The following KIRREL3 variants were observed in gnomAD, a reference collection of about 807,000 sequenced individuals.
The protein encoded by KIRREL3 is kirre like nephrin family adhesion molecule 3, also known as kin of IRRE-like protein 3.
KIRREL3 carries 36 observed loss-of-function variants against 89.7 expected under a neutral mutation model. The ratio of observed to expected loss-of-function variants is 0.40; its 90% CI spans 0.31 to 0.53. The LOEUF is 0.53. KIRREL3 is among the 20% of genes least tolerant of loss of function. KIRREL3 has a pLI of 0.49. For missense variants in KIRREL3, 864 were observed against 1,056.6 expected (o/e 0.82, Z 2.53); for synonymous variants, 445 against 441.4 (o/e 1.01, Z -0.10).
intron 1 of KIRREL3, among the ~76,000 whole-genome samples, chr11:126,873,405 T>C (rs1216581149): frequency 6.6e-6 from 1 of 152,134 alleles, no homozygotes; most frequent in Non-Finnish European, 1.5e-5. Context: ...GGATAATAGA[T>C]CAAGCAAACA....
intron 1 of KIRREL3, among the ~76,000 whole-genome samples, chr11:126,588,889 G>A (rs1308006987): frequency 1.3e-5 from 2 of 152,148 alleles, no homozygotes; most frequent in East Asian, 1.9e-4. Flanking sequence ...AGAAGGTGGC[G>A]GTGGTGGGGG....
At chr11:126,657,338 A>G (rs1945195253) in intron 1 of KIRREL3, among the ~76,000 whole-genome samples, 1 of 152,210 alleles carries the variant, frequency 6.6e-6, no homozygotes, top group Admixed American at 6.5e-5. Flanking sequence ...GGTTTAAAAT[A>G]TTAGAGAAAT....
rs634964 is a variant in KIRREL3, at chr11:126,569,124, T to C, written c.56-6212A>G. Among the ~76,000 whole-genome samples the C allele has an allele frequency of 0.62, 94,702 of 151,790 alleles. 31,566 individuals carry two copies. Among genetic ancestry groups the C allele is most frequent in the African/African-American group, 0.86 (35,789 of 41,424 alleles). On this transcript the variant is annotated intron_variant, in intron 1 of 16. Coordinates refer to ENST00000525144, the MANE Select transcript of KIRREL3 (RefSeq NM_032531.4). The surrounding 1 kb of genome is among the most constrained non-coding windows in gnomAD (Gnocchi z 6.5). The stretch of plus-strand genomic sequence containing the variant: ...GTCAAGCAGAGGAAGAGGGCAAGGA[T>C]GACCCCAGTGTCTTTTGTGGGATAT...
Position 126,516,352 on chromosome 11 carries a change from A to G in KIRREL3, c.433+4963T>C, listed in dbSNP as rs1050862810. 6.6e-6 allele frequency among the ~76,000 whole-genome samples: 1 copy of G among 152,082 alleles called. No individual in the cohort carries two copies. Among genetic ancestry groups the G allele is most frequent in the African/African-American group, 2.4e-5 (1 of 41,410 alleles). On this transcript the variant is annotated intron_variant, in intron 4 of 16. Coordinates refer to ENST00000525144, the MANE Select transcript of KIRREL3 (RefSeq NM_032531.4). The surrounding 1 kb of genome is among the most constrained non-coding windows in gnomAD (Gnocchi z 4.9). Reference sequence around the variant, plus strand: ...AATGCCCCTCTTAATAATTAATCTGATGCCAACATCCCCTCCTCCCACTTC... The same window carrying G: ...AATGCCCCTCTTAATAATTAATCTGGTGCCAACATCCCCTCCTCCCACTTC...
rs535185679 is a variant in KIRREL3, at chr11:126,693,831, C to T, written c.56-130919G>A. 2.6e-5 allele frequency among the ~76,000 whole-genome samples: 4 copies of T among 152,364 alleles called. No homozygotes were observed. In the South Asian group the frequency reaches 8.3e-4, roughly 32 times the overall value. ...TCCAATCAGGCTCTGGCCTGGGCTGCAGCCCCACTCCGCTGAACACCTAGA... is the reference window on the plus strand; with the variant it reads ...TCCAATCAGGCTCTGGCCTGGGCTGTAGCCCCACTCCGCTGAACACCTAGA... On this transcript the variant is annotated intron_variant, in intron 1 of 16. Coordinates refer to ENST00000525144, the MANE Select transcript of KIRREL3 (RefSeq NM_032531.4).
intron 1 of KIRREL3, among the ~76,000 whole-genome samples, chr11:126,894,659 A>G (rs1946077838): frequency 6.6e-6 from 1 of 151,538 alleles, no homozygotes; most frequent in Non-Finnish European, 1.5e-5. Flanking sequence ...GGCTGAGGTG[A>G]AATCCCTGGA....
chr11:126,993,006 T>C lies in KIRREL3; in HGVS notation c.55+7449A>G, dbSNP rs1160862856. 6.6e-6 allele frequency among the ~76,000 whole-genome samples: 1 copy of C among 152,182 alleles called. No homozygotes were observed. Among genetic ancestry groups the C allele is most frequent in the Non-Finnish European group, 1.5e-5 (1 of 68,040 alleles). On this transcript the variant is annotated intron_variant, in intron 1 of 16. Coordinates refer to ENST00000525144, the MANE Select transcript of KIRREL3 (RefSeq NM_032531.4). The surrounding 1 kb of genome is among the most constrained non-coding windows in gnomAD (Gnocchi z 6.1). ...CTGGAATGTGGACTAACCATTAAGG[T>C]CAGTTCCCCCCATACTTATTCTCTT...
chr11:126,613,707 C>G (rs887163050), intron 1 of KIRREL3, among the ~76,000 whole-genome samples: 19 of 151,954 alleles, frequency 1.3e-4, no homozygotes, highest in Non-Finnish European at 2.8e-4. Context: ...ATTTTATGTT[C>G]ACAAATCTCC....
At position 126,449,112 on chromosome 11, in the gene KIRREL3, C is replaced by T; in HGVS notation, c.894G>A (p.Val298=). The T allele has an allele frequency of 6.2e-7, 1 of 1,613,992 alleles. No individual in the cohort carries two copies. The highest frequency in any genetic ancestry group is 1.1e-5 in the South Asian group (1 of 91,080). The part of the protein sequence containing the change: ...GQIIKEASGE[V]YRTTVDYTYF... ...ACGTGTAGTCCACTGTGGTCCTGTA[C>T]ACCTCTCCAGATGCCTCCTTGATGA... is the stretch of plus-strand genomic sequence containing the variant. Residue 298 remains valine, a synonymous_variant, in exon 8 of 17, where the codon GTG becomes GTA. Transcript: ENST00000525144.
rs532157846 is a variant in KIRREL3, at chr11:126,601,713, C to T, written c.56-38801G>A. 3.2e-4 allele frequency among the ~76,000 whole-genome samples: 49 copies of T among 152,226 alleles called. No individual in the cohort carries two copies. The highest frequency in any genetic ancestry group is 5.8e-4 in the East Asian group (3 of 5,166). On this transcript the variant is annotated intron_variant, in intron 1 of 16. Coordinates refer to ENST00000525144, the MANE Select transcript of KIRREL3 (RefSeq NM_032531.4). The surrounding 1 kb of genome is among the most constrained non-coding windows in gnomAD (Gnocchi z 5.8). The stretch of plus-strand genomic sequence containing the variant: ...TCCTCCATTCTTCTCATGCATCCTG[C>T]GGTGCCATTCGCCCACCCCGCCTAC...
chr11:126,917,564 C>T lies in KIRREL3; in HGVS notation c.55+82891G>A, dbSNP rs1047938075. On this transcript the variant is annotated intron_variant, in intron 1 of 16. Transcript: ENST00000525144. The surrounding 1 kb of genome is among the most constrained non-coding windows in gnomAD (Gnocchi z 5.0). ...CGTAGCACCTCCACACCTATCCTGC[C>T]TCTCTTAGAGCACTGCTCAGTTGTA... Among the ~76,000 whole-genome samples the T allele has an allele frequency of 2.0e-5, 3 of 152,154 alleles. No individual in the cohort carries two copies. The highest frequency in any genetic ancestry group is 2.9e-5 in the Non-Finnish European group (2 of 68,026).
intron 1 of KIRREL3, among the ~76,000 whole-genome samples, chr11:126,846,656 AAAAAC>A (rs56290943): frequency 3.3e-5 from 5 of 150,886 alleles, no homozygotes; most frequent in African/African-American, 1.2e-4. Flanking sequence ...TGAGACTACT[AAAAAC>A]AAAACAAAAC....
rs1958920509 is a variant in KIRREL3, at chr11:126,530,833, TTTTTC to T, written c.134-4151_134-4147del. Among the ~76,000 whole-genome samples, 1 of 152,024 alleles carries T rather than the reference TTTTTC, an allele frequency of 6.6e-6. No homozygotes were observed. The highest frequency in any genetic ancestry group is 6.6e-5 in the Admixed American group (1 of 15,266). On this transcript the variant is annotated intron_variant, in intron 2 of 16. Transcript: ENST00000525144. This position sits in a 1 kb window ranked among gnomAD's most constrained non-coding sequence, Gnocchi z 5.8. ...CTCCCCTTCCCATACTTTATTTTTA[TTTTTC>T]TTTTTTTTTTGAGACGGAGTCTGAC...
At chr11:126,658,117 T>G (rs1185974882) in intron 1 of KIRREL3, among the ~76,000 whole-genome samples, 1 of 152,208 alleles carries the variant, frequency 6.6e-6, no homozygotes, top group Non-Finnish European at 1.5e-5. Context: ...ACTCGCAGCT[T>G]CAATACCCAA....
rs1955018380 is a variant in KIRREL3 at position 126,428,498 on chromosome 11, G to A, written c.1806+681C>T. ...TGGGGTGCGGGGGATGAGGGAGAGGGACATGTATTGAATATCTATAATAGC... is the reference window on the plus strand; with the variant it reads ...TGGGGTGCGGGGGATGAGGGAGAGGAACATGTATTGAATATCTATAATAGC... On this transcript the variant is annotated intron_variant, in intron 15 of 16. Transcript: ENST00000525144. The surrounding 1 kb of genome is among the most constrained non-coding windows in gnomAD (Gnocchi z 6.4). Among the ~76,000 whole-genome samples the A allele has an allele frequency of 6.6e-6, 1 of 152,054 alleles. No individual in the cohort carries two copies. Among genetic ancestry groups the A allele is most frequent in the Non-Finnish European group, 1.5e-5 (1 of 68,036 alleles).
intron 2 of KIRREL3, among the ~76,000 whole-genome samples, chr11:126,533,269 G>A (rs1184678696): frequency 6.6e-6 from 1 of 152,204 alleles, no homozygotes; most frequent in Non-Finnish European, 1.5e-5. Context: ...AGGGATATGA[G>A]CCCAGCAGTC....
At position 126,764,742 on chromosome 11, in the gene KIRREL3, C is replaced by A. The variant is rs1483654552; in HGVS notation, c.56-201830G>T. ...TGCACACATGAGTGGAACATACTATCCAGCTTCTTAGGGCCTGTGCTGTAA... is the reference window on the plus strand; with the variant it reads ...TGCACACATGAGTGGAACATACTATACAGCTTCTTAGGGCCTGTGCTGTAA... On this transcript the variant is annotated intron_variant, in intron 1 of 16. Coordinates refer to ENST00000525144, the MANE Select transcript of KIRREL3 (RefSeq NM_032531.4). This position sits in a 1 kb window ranked among gnomAD's most constrained non-coding sequence, Gnocchi z 4.2. 6.6e-6 allele frequency among the ~76,000 whole-genome samples: 1 copy of A among 152,176 alleles called. No homozygotes were observed. The highest frequency in any genetic ancestry group is 2.4e-5 in the African/African-American group (1 of 41,442).
At chr11:126,757,361 A>G (rs1404148224) in intron 1 of KIRREL3, among the ~76,000 whole-genome samples, 1 of 152,188 alleles carries the variant, frequency 6.6e-6, no homozygotes, top group Admixed American at 6.5e-5. Flanking sequence ...AGAAGTGCAG[A>G]GGTTTCATAA....
chr11:126,448,303 A>G (rs1955901810), intron 8 of KIRREL3, among the ~76,000 whole-genome samples: 1 of 147,662 alleles, frequency 6.8e-6, no homozygotes, highest in Non-Finnish European at 1.5e-5. Context: ...AAAAAAAAAG[A>G]AATAAAAAGA....
Sources: gnomAD v4.1 joint callset for allele counts (sites outside exome capture counted in the v4.1 genomes callset) on GRCh38, gnomAD v4.1.1 for gene constraint, Gnocchi (gnomAD v3.1) non-coding constraint, MANE v1.5 for transcripts, NCBI Gene and HGNC (gene_info 2026-07-23, HGNC 2026-07-21) for gene names.